CPED1: variants seen among roughly 807,000 people sequenced by gnomAD.
CPED1 encodes the protein cadherin-like and PC-esterase domain-containing protein 1.
A neutral mutation model predicts 128.2 loss-of-function variants in CPED1; 114 were observed. That is an observed-to-expected ratio of 0.89 (90% CI 0.76 to 1.04). The LOEUF (loss-of-function observed/expected upper bound fraction) is 1.04. Ranked by LOEUF, CPED1 falls within the 50% of genes least tolerant of loss-of-function variation. The pLI is 0.00. For synonymous variants in CPED1, 462 were observed against 426.7 expected, an observed-to-expected ratio of 1.08 and a Z score of -1.02; for missense variants, 1,211 against 1,207.1, an observed-to-expected ratio of 1.00 and a Z score of -0.05.
At chr7:121,236,295 G>A (rs1798253189) in intron 16 of CPED1, among the ~76,000 whole-genome samples, 1 of 152,110 alleles carries the variant, frequency 6.6e-6, no homozygotes, top group African/African-American at 2.4e-5. Flanking sequence ...CCACTCTGGT[G>A]TATCATGAAT....
chr7:121,165,889 C>G (rs1014704587), intron 16 of CPED1, among the ~76,000 whole-genome samples: 1 of 152,146 alleles, frequency 6.6e-6, no homozygotes, highest in African/African-American at 2.4e-5. Context: ...TCTAAATGGT[C>G]TCTTCAGCAT....
At position 121,130,145 on chromosome 7, in the gene CPED1, T is replaced by G; in HGVS notation, c.1428T>G (p.Pro476=). 6.2e-7 allele frequency: 1 copy of G among 1,612,868 alleles called. No individual in the cohort carries two copies. Among genetic ancestry groups the G allele is most frequent in the Middle Eastern group, 1.7e-4 (1 of 6,052 alleles). Residue 476 remains proline (P), a synonymous_variant, in exon 12 of 23, where the codon CCT becomes CCG. Transcript: ENST00000310396. ...QFQLLFPSTT[P]GIQSLMHEFY... is the part of the protein sequence containing the mutation. ...CTCAGCTCTTCCCATCTACTACTCC[T>G]GGGATTCAGTCACTGATGCATGAAT... is the stretch of plus-strand genomic sequence containing the variant.
chr7:121,041,467 T>A (rs1365567527), intron 3 of CPED1, among the ~76,000 whole-genome samples: 3 of 152,082 alleles, frequency 2.0e-5, no homozygotes, highest in Non-Finnish European at 4.4e-5. Flanking sequence ...ATTCTTAGAT[T>A]TTTATTACGT....
At chr7:121,283,014 A>G (rs546208515) in intron 22 of CPED1, among the ~76,000 whole-genome samples, 1 of 152,344 alleles carries the variant, frequency 6.6e-6, no homozygotes, top group East Asian at 1.9e-4. Flanking sequence ...TTTTCATTAC[A>G]AAAGGATTCC....
At chr7:121,093,913 G>A (rs1349798288) in intron 5 of CPED1, among the ~76,000 whole-genome samples, 1 of 152,106 alleles carries the variant, frequency 6.6e-6, no homozygotes, top group Non-Finnish European at 1.5e-5. Context: ...CTCATGGTTG[G>A]TAGTCTGTTC....
intron 2 of CPED1, among the ~76,000 whole-genome samples, chr7:120,999,927 A>G (rs1791792186): frequency 6.6e-6 from 1 of 152,174 alleles, no homozygotes; most frequent in African/African-American, 2.4e-5. Context: ...CAAAGAATTA[A>G]TCATTTTATA....
At chr7:121,008,268 C>T (rs922960446) in intron 2 of CPED1, among the ~76,000 whole-genome samples, 2 of 152,142 alleles carry the variant, frequency 1.3e-5, no homozygotes, top group African/African-American at 2.4e-5. Context: ...GAGTTATCAA[C>T]CTTTAAATTC....
At chr7:121,107,848 A>G (rs1456623443) in intron 7 of CPED1, among the ~76,000 whole-genome samples, 1 of 152,134 alleles carries the variant, frequency 6.6e-6, no homozygotes, top group African/African-American at 2.4e-5. Context: ...ACAAATTCTA[A>G]ATATAAAATA....
intron 7 of CPED1, among the ~76,000 whole-genome samples, chr7:121,117,208 C>T (rs1294162686): frequency 6.6e-6 from 1 of 150,668 alleles, no homozygotes; most frequent in Non-Finnish European, 1.5e-5. Context: ...TCAAATGATT[C>T]TCCCGCCTCA....
At chr7:121,066,317 G>A (rs1585049355) in intron 5 of CPED1, among the ~76,000 whole-genome samples, 1 of 151,342 alleles carries the variant, frequency 6.6e-6, no homozygotes, top group Non-Finnish European at 1.5e-5. Flanking sequence ...GGGGTTTTTT[G>A]TTTTTTGTTT....
At chr7:121,220,284 G>A (rs1413126179) in intron 16 of CPED1, among the ~76,000 whole-genome samples, 1 of 152,006 alleles carries the variant, frequency 6.6e-6, no homozygotes, top group Non-Finnish European at 1.5e-5. Flanking sequence ...CCCAGTCTCT[G>A]AGCATCGTCT....
At chr7:121,095,275 A>G (rs1336120329) in intron 5 of CPED1, among the ~76,000 whole-genome samples, 1 of 152,190 alleles carries the variant, frequency 6.6e-6, no homozygotes, top group African/African-American at 2.4e-5. Flanking sequence ...CTTGAAGGCT[A>G]TGCCAACAGA....
intron 5 of CPED1, among the ~76,000 whole-genome samples, chr7:121,075,742 T>G (rs765959981): frequency 6.6e-6 from 1 of 152,214 alleles, no homozygotes; most frequent in Non-Finnish European, 1.5e-5. Flanking sequence ...GTAAGATTTA[T>G]GTACATTGCA....
intron 4 of CPED1, chr7:121,050,536 C>T (rs2538487): frequency 0.81 from 140,233 of 174,040 alleles, 56,873 homozygotes; most frequent in Admixed American, 0.86. Context: ...CAATCTCAGC[C>T]CATTGCAACA....
chr7:121,272,903 G>A (rs145356132), intron 22 of CPED1, among the ~76,000 whole-genome samples: 89 of 152,144 alleles, frequency 5.8e-4, no homozygotes, highest in Non-Finnish European at 1.1e-3. Context: ...ATTCCATCCC[G>A]TCCTTCCTCT....
Position 121,188,558 on chromosome 7 carries a change from T to C in CPED1, c.2055+46417T>C, listed in dbSNP as rs1237617511. 2.6e-5 allele frequency among the ~76,000 whole-genome samples: 4 copies of C among 152,148 alleles called. No homozygotes were observed. The East Asian group carries it at 7.7e-4, about 29-fold the overall frequency. On this transcript the variant is annotated intron_variant, in intron 16 of 22. Coordinates refer to ENST00000310396, the MANE Select transcript of CPED1 (RefSeq NM_024913.5). ...AAATAAATACATTTGTAGGAATGAA[T>C]GACACATCCTAGAGAGAGATTGTGA...
rs544716886 is a variant in CPED1, at chr7:121,165,771, A to G, written c.2055+23630A>G. On this transcript the variant is annotated intron_variant, in intron 16 of 22. Coordinates refer to ENST00000310396, the MANE Select transcript of CPED1 (RefSeq NM_024913.5). The stretch of plus-strand genomic sequence containing the variant: ...TTGGGGGAGAGGTAAAATTTTTACA[A>G]TTCAGAGAAAGACAATATATTTTAA... 3.3e-5 allele frequency among the ~76,000 whole-genome samples: 5 copies of G among 152,300 alleles called. No individual in the cohort carries two copies. In the South Asian group the frequency reaches 1.0e-3, roughly 32 times the overall value.
intron 16 of CPED1, among the ~76,000 whole-genome samples, chr7:121,165,696 C>T (rs1221644232): frequency 6.6e-6 from 1 of 152,188 alleles, no homozygotes; most frequent in Non-Finnish European, 1.5e-5. Context: ...GATTAACCAC[C>T]ACTAAGTCTG....
At chr7:121,282,652 C>T (rs1464718849) in intron 22 of CPED1, among the ~76,000 whole-genome samples, 2 of 152,162 alleles carry the variant, frequency 1.3e-5, no homozygotes, top group Non-Finnish European at 1.5e-5. Context: ...TTTACACATA[C>T]GTTCAAAGGA....
Sources: gnomAD v4.1 joint callset for allele counts (sites outside exome capture counted in the v4.1 genomes callset) on GRCh38, gnomAD v4.1.1 for gene constraint, MANE v1.5 for transcripts, NCBI Gene and HGNC (gene_info 2026-07-23, HGNC 2026-07-21) for gene names.